Variants in C2orf76 observed in about 807,000 individuals in gnomAD.
C2orf76 encodes chromosome 2 open reading frame 76.
In C2orf76, 23 loss-of-function variants were observed where a neutral mutation model predicts 16.9. The ratio of observed to expected loss-of-function variants is 1.36; its 90% CI spans 0.98 to 1.93. The LOEUF (loss-of-function observed/expected upper bound fraction) is 1.93, where lower values mean the gene tolerates loss of function less well. Ranked by LOEUF, C2orf76 falls within the 30% of genes most tolerant of loss-of-function variation. The pLI is 0.00. For synonymous variants in C2orf76, 48 were observed against 52.3 expected (o/e 0.92, Z 0.35); for missense variants, 152 against 152.6 (o/e 1.00, Z 0.02).
chr2:119,356,026 A>C (rs541987353), intron 1 of C2orf76, among the ~76,000 whole-genome samples: 1 of 152,348 alleles, frequency 6.6e-6, no homozygotes, highest in Admixed American at 6.5e-5. Flanking sequence ...AATCAGAAAC[A>C]GGAACCTACC....
At chr2:119,315,193 T>C (rs1320328820) in intron 4 of C2orf76, among the ~76,000 whole-genome samples, 2 of 149,912 alleles carry the variant, frequency 1.3e-5, no homozygotes, top group African/African-American at 2.4e-5. Context: ...CACACACACA[T>C]ACACACACAC....
intron 5 of C2orf76, among the ~76,000 whole-genome samples, chr2:119,306,102 CAT>C (rs556000872): frequency 1.3e-5 from 2 of 152,322 alleles, no homozygotes; most frequent in African/African-American, 4.8e-5. Flanking sequence ...CCGACACCCA[CAT>C]TACCGAGTAA....
At chr2:119,367,093 GCAGCGGGCGGGAGGCCCGTTGGGGGCT>G (rs1161554858), upstream of C2orf76, 1 of 1,612,992 alleles carries the variant, frequency 6.2e-7, no homozygotes, top group East Asian at 2.2e-5. Context: ...CTGCGAAGGT[GCAGCGGGCGGGAGGCCCGTTGGGGGCT>G]CAGCCGGCTG....
chr2:119,355,632 G>T (rs1680547322), intron 1 of C2orf76, among the ~76,000 whole-genome samples: 1 of 152,170 alleles, frequency 6.6e-6, no homozygotes, highest in African/African-American at 2.4e-5. Context: ...ATAGGAGCGT[G>T]AACCCTATTG....
chr2:119,286,737 A>C, the C2orf76 span, among the ~76,000 whole-genome samples: 3,393 of 152,184 alleles, frequency 0.022, 117 homozygotes, highest in African/African-American at 0.076. Context: ...GGTGGATGAG[A>C]GTCTGCAGGG....
At chr2:119,289,608 C>A in the C2orf76 span, among the ~76,000 whole-genome samples, 2 of 151,834 alleles carry the variant, frequency 1.3e-5, no homozygotes, top group Non-Finnish European at 2.9e-5. Context: ...ATCGATTGAA[C>A]CCAGGAGGCG....
chr2:119,338,750 AC>A (rs1295254675), intron 2 of C2orf76: 1 of 152,282 alleles, frequency 6.6e-6, no homozygotes, highest in African/African-American at 2.4e-5. Context: ...CAAGGGATCC[AC>A]GCACCACTAC....
intron 4 of C2orf76, among the ~76,000 whole-genome samples, chr2:119,316,759 T>C (rs1679186314): frequency 1.3e-5 from 2 of 152,198 alleles, no homozygotes; most frequent in Non-Finnish European, 2.9e-5. Context: ...GTAGTTTATA[T>C]AATACAGGAA....
At chr2:119,361,039 G>A (rs1263240099) in intron 1 of C2orf76, among the ~76,000 whole-genome samples, 1 of 152,190 alleles carries the variant, frequency 6.6e-6, no homozygotes, top group East Asian at 1.9e-4. Flanking sequence ...TGGAAATATT[G>A]TTACCTTACT....
intron 2 of C2orf76, among the ~76,000 whole-genome samples, chr2:119,329,407 AAAGTAC>A (rs1363031410): frequency 3.9e-4 from 60 of 152,098 alleles, no homozygotes; most frequent in African/African-American, 1.4e-3. Flanking sequence ...TTTTATCTTT[AAAGTAC>A]ATTTCTTGTA....
chr2:119,365,861 T>A (rs1033271309), intron 1 of C2orf76, among the ~76,000 whole-genome samples: 1 of 152,122 alleles, frequency 6.6e-6, no homozygotes, highest in African/African-American at 2.4e-5. Context: ...TCAAACCCTT[T>A]TACGATTTCC....
intron 2 of C2orf76, among the ~76,000 whole-genome samples, chr2:119,322,067 T>C (rs967635020): frequency 6.6e-6 from 1 of 152,134 alleles, no homozygotes; most frequent in Non-Finnish European, 1.5e-5. Context: ...AGTACTAATT[T>C]TAATTAATAT....
intron 1 of C2orf76, among the ~76,000 whole-genome samples, chr2:119,361,376 T>C (rs558982080): frequency 1.8e-4 from 28 of 152,358 alleles, no homozygotes; most frequent in Admixed American, 1.8e-3. Context: ...CAAATTTTAT[T>C]ATAGATATGT....
At chr2:119,339,743 G>T in intron 2 of C2orf76, 84 bp downstream of exon 2, 1 of 1,402,424 alleles carries the variant, frequency 7.1e-7, no homozygotes, top group Non-Finnish European at 9.8e-7. Context: ...AGTACTTTAG[G>T]ATTTGTTAAA....
chr2:119,318,246 A>C (rs771903993), intron 3 of C2orf76, among the ~76,000 whole-genome samples: 2 of 152,240 alleles, frequency 1.3e-5, no homozygotes, highest in East Asian at 3.8e-4. Context: ...GTTGAAATTC[A>C]GAAAGTTTCC....
At chr2:119,346,054 C>CAAAAA (rs56669262) in intron 1 of C2orf76, among the ~76,000 whole-genome samples, 6 of 73,544 alleles carry the variant, frequency 8.2e-5, no homozygotes, top group Non-Finnish European at 1.5e-4. Flanking sequence ...GACGCCATCT[C>CAAAAA]AAAAAAAAAA....
At chr2:119,337,058 TA>T (rs113794965) in intron 2 of C2orf76, among the ~76,000 whole-genome samples, 50,393 of 141,252 alleles carry the variant, frequency 0.36, 8,999 homozygotes, top group Non-Finnish European at 0.41. Context: ...TTTATTTATT[TA>T]TTTATTTATT....
chr2:119,350,521 C>T (rs2104629528), intron 1 of C2orf76, among the ~76,000 whole-genome samples: 1 of 152,284 alleles, frequency 6.6e-6, no homozygotes, highest in South Asian at 2.1e-4. Context: ...AAAGCAAACA[C>T]AAAACTTCCA....
chr2:119,349,307 ATTTGTT>A (rs1680306827), intron 1 of C2orf76, among the ~76,000 whole-genome samples: 1 of 152,180 alleles, frequency 6.6e-6, no homozygotes, highest in South Asian at 2.1e-4. Flanking sequence ...AGCTATTTCC[ATTTGTT>A]TTTAAGAAGG....
Sources: gnomAD v4.1 joint callset for allele counts (sites outside exome capture counted in the v4.1 genomes callset) on GRCh38, gnomAD v4.1.1 for gene constraint, MANE v1.5 for transcripts, NCBI Gene and HGNC (gene_info 2026-07-23, HGNC 2026-07-21) for gene names.